Variants in MTSS2 observed in about 807,000 individuals in gnomAD.
MTSS2 encodes the protein MTSS I-BAR domain containing 2, also known as protein MTSS 2.
In MTSS2, 27 loss-of-function variants were observed where a neutral mutation model predicts 67.1. The observed-to-expected ratio is 0.40, with a 90% CI of 0.30 to 0.55. The LOEUF (loss-of-function observed/expected upper bound fraction) is 0.55, where lower values mean the gene tolerates loss of function less well. MTSS2 is among the 20% of genes least tolerant of loss of function. The pLI is 0.43. For missense variants in MTSS2, 1,171 were observed against 1,067.8 expected (o/e 1.10, Z -1.35); for synonymous variants, 624 against 468.6 (o/e 1.33, Z -4.28).
intron 11 of MTSS2, among the ~76,000 whole-genome samples, chr16:70,673,665 T>C (rs2053014965): frequency 2.0e-5 from 3 of 152,004 alleles, no homozygotes; most frequent in African/African-American, 7.2e-5. Context: ...TAAATCTAAA[T>C]AAGTACTGTA....
At chr16:70,679,736 G>A (rs369783581) in intron 5 of MTSS2, 32 bp from the exon 6 acceptor site, 80 of 1,609,940 alleles carry the variant, frequency 5.0e-5, no homozygotes, top group Non-Finnish European at 6.4e-5. Flanking sequence ...CGCTCTAATG[G>A]GGTCCCTGCG....
Position 70,663,951 on chromosome 16 carries a change from C to A in MTSS2, c.1970G>T (p.Gly657Val). ...CTGCTGCTCGTCCTCGGCCCCTGCC[C>A]CGGGGTACCCGGCTGCCTCTGGGGA... is the stretch of plus-strand genomic sequence containing the variant. Reference protein sequence around the residue: ...SPSPEAAGYPGAGAEDEQQQL... With the variant: ...SPSPEAAGYPVAGAEDEQQQL... Residue 657 changes from glycine (G) to valine (V), a missense_variant, in exon 15 of 15, where the codon GGG becomes GTG. By Grantham distance (109) the Gly-to-Val change is moderately radical. Around this residue, in one of 2 missense-constraint regions of MTSS2, gnomAD observed 924 missense variants for 756.0 expected, o/e 1.22. Transcript: ENST00000338779. The A allele has an allele frequency of 3.8e-6, 6 of 1,561,164 alleles. No individual in the cohort carries two copies. Among genetic ancestry groups the A allele is most frequent in the Non-Finnish European group, 5.2e-6 (6 of 1,155,196 alleles).
intron 7 of MTSS2, among the ~76,000 whole-genome samples, chr16:70,678,628 C>T (rs1156548640): frequency 6.6e-6 from 1 of 152,228 alleles, no homozygotes; most frequent in African/African-American, 2.4e-5. Flanking sequence ...AAGAAAGAGG[C>T]CAAAGCTGCA....
At chr16:70,680,918 G>GGCCCCCCC in intron 2 of MTSS2, 46 bp downstream of exon 2, 1 of 1,097,248 alleles carries the variant, frequency 9.1e-7, no homozygotes, top group Non-Finnish European at 1.3e-6. Context: ...CGGGGGGGGG[G>GGCCCCCCC]CCTCTGCCTG....
intron 11 of MTSS2, among the ~76,000 whole-genome samples, chr16:70,667,557 A>G (rs1332390352): frequency 1.3e-5 from 2 of 152,080 alleles, no homozygotes; most frequent in African/African-American, 4.8e-5. Flanking sequence ...CCAATGACAG[A>G]TATGCAAGAT....
chr16:70,671,340 T>C (rs1597808969), intron 11 of MTSS2, among the ~76,000 whole-genome samples: 1 of 151,432 alleles, frequency 6.6e-6, no homozygotes, highest in Non-Finnish European at 1.5e-5. Flanking sequence ...GAGGCAGAGG[T>C]TGCAGTAGCC....
intron 11 of MTSS2, among the ~76,000 whole-genome samples, chr16:70,669,099 C>T (rs1411487226): frequency 6.6e-6 from 1 of 152,126 alleles, no homozygotes; most frequent in Non-Finnish European, 1.5e-5. Context: ...ATCTTTGTGA[C>T]CTTGCAGTAG....
At chr16:70,683,386 C>G (rs1172315314) in intron 1 of MTSS2, among the ~76,000 whole-genome samples, 1 of 152,242 alleles carries the variant, frequency 6.6e-6, no homozygotes, top group Non-Finnish European at 1.5e-5. Context: ...GCTCAGTTAA[C>G]ACCAGCTAAC....
chr16:70,679,367 A>C (rs1002387385), intron 6 of MTSS2, 44 bp from the exon 7 acceptor site: 11 of 1,612,448 alleles, frequency 6.8e-6, no homozygotes, highest in Non-Finnish European at 8.5e-6. Context: ...ACAGAGAAAG[A>C]AAGAATGTGT....
In MTSS2 at chr16:70,677,867, G is replaced by C. The variant is rs755384011; in HGVS notation, c.657C>G (p.Thr219=). ...AGTCGTCGATGATGCCCTGCAGGTGGGTGATCTCTCCCAGCATGGTCAGCT... is the reference window on the plus strand; with the variant it reads ...AGTCGTCGATGATGCCCTGCAGGTGCGTGATCTCTCCCAGCATGGTCAGCT... The part of the protein sequence containing the change: ...NGELTMLGEI[T]HLQGIIDDLV... Residue 219 remains threonine, a synonymous_variant, in exon 9 of 15, where the codon ACC becomes ACG. Transcript: ENST00000338779. The C allele has an allele frequency of 1.1e-5, 18 of 1,611,918 alleles. No homozygotes were observed. The Admixed American group carries it at 2.3e-4, about 21-fold the overall frequency.
Position 70,664,156 on chromosome 16 carries a change from G to A in MTSS2, c.1765C>T (p.Pro589Ser). 1 of 1,607,624 alleles carries A rather than the reference G, an allele frequency of 6.2e-7. No homozygotes were observed. Among genetic ancestry groups the A allele is most frequent in the Non-Finnish European group, 8.5e-7 (1 of 1,179,578 alleles). Residue 589 changes from proline (P) to serine (S), a missense_variant, in exon 15 of 15, where the codon CCC (proline) becomes TCC (serine). This residue lies in a region of MTSS2 where 924 missense variants were observed against 756.0 expected (regional missense o/e 1.22). Coordinates refer to ENST00000338779, the MANE Select transcript of MTSS2 (RefSeq NM_138383.3). Reference protein sequence around the residue: ...SSAGPIPIRPPIVPVKTPTVP... With the variant: ...SSAGPIPIRPSIVPVKTPTVP... ...GTGGGCGTCTTCACAGGGACGATGGGCGGCCGGATGGGGATGGGGCCAGCG... is the reference window on the plus strand; with the variant it reads ...GTGGGCGTCTTCACAGGGACGATGGACGGCCGGATGGGGATGGGGCCAGCG...
chr16:70,664,891 G>T, intron 13 of MTSS2, 29 bp downstream of exon 13: 1 of 1,525,892 alleles, frequency 6.6e-7, no homozygotes, highest in African/African-American at 1.4e-5. Context: ...GACTGACCTG[G>T]GCGTGAAGGG....
At chr16:70,667,827 C>A (rs551502592) in intron 11 of MTSS2, among the ~76,000 whole-genome samples, 1 of 151,878 alleles carries the variant, frequency 6.6e-6, no homozygotes, top group Non-Finnish European at 1.5e-5. Flanking sequence ...GAGCTGAGAT[C>A]GCGCCACTGC....
In MTSS2 at chr16:70,678,308, G is replaced by A; in HGVS notation, c.568C>T (p.Leu190=). The A allele has an allele frequency of 1.2e-6, 2 of 1,612,592 alleles. No homozygotes were observed. Among genetic ancestry groups the A allele is most frequent in the Non-Finnish European group, 1.7e-6 (2 of 1,179,990 alleles). ...ETEKQAVRRA[L]IEERGRFCTF... The stretch of plus-strand genomic sequence containing the variant: ...CAGAAGCGGCCCCGCTCCTCGATCA[G>A]CGCCCGGCGCACGGCCTGCTTCTCC... Residue 190 remains leucine (L), a synonymous_variant, in exon 8 of 15, where the codon CTG becomes TTG. Coordinates refer to ENST00000338779, the MANE Select transcript of MTSS2 (RefSeq NM_138383.3).
At chr16:70,664,577 A>G in intron 14 of MTSS2, 21 bp downstream of exon 14, 1 of 1,607,558 alleles carries the variant, frequency 6.2e-7, no homozygotes, top group Non-Finnish European at 8.5e-7. Context: ...CCCTGGTCCC[A>G]CCCCAGCCCC....
rs1382242129 is a variant in MTSS2 at position 70,678,320 on chromosome 16, C to G, written c.556G>C (p.Val186Leu). ...CGCTCCTCGATCAGCGCCCGGCGCA[C>G]GGCCTGCTTCTCCGTCTCCTCCAGC... Reference protein sequence around the residue: ...LLLEETEKQAVRRALIEERGR... With the variant: ...LLLEETEKQALRRALIEERGR... The change falls in exon 8 of 15, where the codon GTG becomes CTG. Residue 186 changes from valine (V) to leucine (L), a missense_variant. Coordinates refer to ENST00000338779, the MANE Select transcript of MTSS2 (RefSeq NM_138383.3). The G allele has an allele frequency of 1.2e-6, 2 of 1,612,708 alleles. No homozygotes were observed. The highest frequency in any genetic ancestry group is 1.1e-5 in the South Asian group (1 of 91,078).
At chr16:70,679,006 G>A (rs543329343) in intron 7 of MTSS2, among the ~76,000 whole-genome samples, 79 of 152,222 alleles carry the variant, frequency 5.2e-4, no homozygotes, top group Non-Finnish European at 1.1e-3. Flanking sequence ...GGCAGGTGAG[G>A]AGGTGACAAG....
Position 70,664,976 on chromosome 16 carries a change from G to A in MTSS2, c.1249C>T (p.Pro417Ser). The change falls in exon 13 of 15, where the codon CCC becomes TCC. Residue 417 changes from proline (P) to serine (S), a missense_variant. Physicochemically the swap from Pro to Ser is moderately conservative, Grantham distance 74. Coordinates refer to ENST00000338779, the MANE Select transcript of MTSS2 (RefSeq NM_138383.3). ...PGPASGGTLG[P>S]SGEEAPRPRM... ...GGTCGCGGTGCCTCTTCCCCGCTGGGGCCCAGGGTGCCCCCACTGGCAGGG... is the reference window on the plus strand; with the variant it reads ...GGTCGCGGTGCCTCTTCCCCGCTGGAGCCCAGGGTGCCCCCACTGGCAGGG... 1 of 1,583,784 alleles carries A rather than the reference G, an allele frequency of 6.3e-7. No individual in the cohort carries two copies. The highest frequency in any genetic ancestry group is 8.5e-7 in the Non-Finnish European group (1 of 1,173,414).
At chr16:70,665,743 G>A in intron 11 of MTSS2, 1 of 524,772 alleles carries the variant, frequency 1.9e-6, no homozygotes, top group Admixed American at 3.3e-5. Context: ...AGTGCACACG[G>A]TGAACGCTGA....
Sources: gnomAD v4.1 joint callset for allele counts (sites outside exome capture counted in the v4.1 genomes callset) on GRCh38, gnomAD v4.1.1 for gene constraint, gnomAD v4.1.1 regional missense constraint, MANE v1.5 for transcripts, NCBI Gene and HGNC (gene_info 2026-07-23, HGNC 2026-07-21) for gene names.